The following DCTN4 variants were observed in gnomAD, a reference collection of about 807,000 sequenced individuals.
The protein encoded by DCTN4 is dynactin subunit 4.
DCTN4 carries 23 observed loss-of-function variants against 62.7 expected under a neutral mutation model. That is an observed-to-expected ratio of 0.37 (90% CI 0.26 to 0.52). The LOEUF (loss-of-function observed/expected upper bound fraction) is 0.52. DCTN4 is among the 20% of genes least tolerant of loss of function. The pLI, the probability that DCTN4 is intolerant of heterozygous loss-of-function variation, is 0.92. For missense variants in DCTN4, 514 were observed against 580.4 expected, an observed-to-expected ratio of 0.89 and a Z score of 1.18; for synonymous variants, 199 against 202.1, an observed-to-expected ratio of 0.98 and a Z score of 0.13.
At chr5:150,719,655 A>G (rs2151473162) in intron 10 of DCTN4, 61 bp downstream of exon 10, 1 of 1,202,472 alleles carries the variant, frequency 8.3e-7, no homozygotes, top group South Asian at 1.3e-5. Flanking sequence ...CCACCCACAT[A>G]CACATGTACA....
At chr5:150,725,356 A>G (rs1038924055) in intron 8 of DCTN4, among the ~76,000 whole-genome samples, 1 of 151,732 alleles carries the variant, frequency 6.6e-6, no homozygotes, top group African/African-American at 2.4e-5. Context: ...TTAATGGTGC[A>G]TTATATAACC....
Position 150,753,607 on chromosome 5 carries a change from C to T in DCTN4, c.257G>A (p.Arg86Gln). 1.2e-6 allele frequency: 2 copies of T among 1,613,798 alleles called. No individual in the cohort carries two copies. The highest frequency in any genetic ancestry group is 1.7e-6 in the Non-Finnish European group (2 of 1,179,902). Residue 86 changes from arginine (R) to glutamine (Q), a missense_variant, in exon 3 of 13, where the codon CGG becomes CAG. Physicochemically the swap from Arg to Gln is conservative, Grantham distance 43. Coordinates refer to ENST00000447998, the MANE Select transcript of DCTN4 (RefSeq NM_016221.4). ...CPGCMHTLST[R>Q]ATSISTQLPD... Reference sequence around the variant, plus strand: ...AAGCTGTGTGGAGATGCTCGTGGCCCGAGTAGAGAGGGTGTGCATGCAGCC... The same window carrying T: ...AAGCTGTGTGGAGATGCTCGTGGCCTGAGTAGAGAGGGTGTGCATGCAGCC...
At chr5:150,746,792 A>G (rs888596008) in intron 3 of DCTN4, among the ~76,000 whole-genome samples, 30 of 152,362 alleles carry the variant, frequency 2.0e-4, no homozygotes, top group Middle Eastern at 3.4e-3. Context: ...CGTATCTCAA[A>G]ATAATAACAG....
chr5:150,744,640 AT>A (rs1421772633), intron 3 of DCTN4, among the ~76,000 whole-genome samples: 1 of 151,820 alleles, frequency 6.6e-6, no homozygotes, highest in Non-Finnish European at 1.5e-5. Flanking sequence ...AATATTCAAC[AT>A]TCTTAAAGAC....
chr5:150,733,579 A>T (rs955100497), intron 4 of DCTN4, 104 bp from the exon 5 acceptor site: 16 of 695,854 alleles, frequency 2.3e-5, no homozygotes, highest in Non-Finnish European at 3.4e-5. Context: ...AAGACAAATT[A>T]TTAAGATGGG....
intron 8 of DCTN4, among the ~76,000 whole-genome samples, chr5:150,728,499 T>G (rs1007954280): frequency 3.3e-5 from 5 of 152,228 alleles, no homozygotes; most frequent in Non-Finnish European, 7.3e-5. Context: ...GAGAGAAGTA[T>G]GTCAAAATTT....
chr5:150,744,595 G>A (rs1760892208), intron 3 of DCTN4, among the ~76,000 whole-genome samples: 1 of 152,072 alleles, frequency 6.6e-6, no homozygotes, highest in South Asian at 2.1e-4. Flanking sequence ...GGATCTCTCA[G>A]CAGAAACTCT....
intron 4 of DCTN4, among the ~76,000 whole-genome samples, chr5:150,737,350 A>G (rs1760619757): frequency 2.0e-5 from 3 of 152,234 alleles, no homozygotes; most frequent in Non-Finnish European, 4.4e-5. Flanking sequence ...TCTCTAAGAT[A>G]GAACATACGA....
At chr5:150,744,648 A>G (rs1181669261) in intron 3 of DCTN4, among the ~76,000 whole-genome samples, 1 of 151,748 alleles carries the variant, frequency 6.6e-6, no homozygotes, top group African/African-American at 2.4e-5. Flanking sequence ...ACATTCTTAA[A>G]GACAAGAATT....
intron 8 of DCTN4, among the ~76,000 whole-genome samples, chr5:150,724,683 T>C (rs895216308): frequency 6.6e-6 from 1 of 152,212 alleles, no homozygotes; most frequent in Non-Finnish European, 1.5e-5. Flanking sequence ...TAATTGCCTA[T>C]TCTTTCCCCA....
At position 150,726,774 on chromosome 5, in the gene DCTN4, A is replaced by C. The variant is rs187340340; in HGVS notation, c.835-3794T>G. 3.3e-3 allele frequency among the ~76,000 whole-genome samples: 499 copies of C among 152,338 alleles called. 2 individuals carry two copies. The highest frequency in any genetic ancestry group is 0.011 in the African/African-American group (453 of 41,570). On this transcript the variant is annotated intron_variant, in intron 8 of 12. Transcript: ENST00000447998. The stretch of plus-strand genomic sequence containing the variant: ...GGCTGGTTATGTTAACTGAAAAAAT[A>C]GTCATTACCCAAGTTTTGCAGCACT...
chr5:150,717,038 C>T (rs1274968451), intron 11 of DCTN4, among the ~76,000 whole-genome samples: 1 of 151,308 alleles, frequency 6.6e-6, no homozygotes, highest in Non-Finnish European at 1.5e-5. Context: ...CAGAAATTCT[C>T]TAATATTATT....
chr5:150,730,850 A>G, intron 7 of DCTN4, 110 bp from the exon 8 acceptor site: 2 of 953,310 alleles, frequency 2.1e-6, no homozygotes, highest in Non-Finnish European at 3.2e-6. Flanking sequence ...AGTGTTGTTC[A>G]TAAAAATGAA....
chr5:150,713,078 G>A (rs1759627575), intron 12 of DCTN4, among the ~76,000 whole-genome samples: 1 of 152,152 alleles, frequency 6.6e-6, no homozygotes, highest in Non-Finnish European at 1.5e-5. Flanking sequence ...GGATTTGAGA[G>A]AACACATTTT....
At chr5:150,725,645 C>T (rs1365253498) in intron 8 of DCTN4, among the ~76,000 whole-genome samples, 1 of 152,038 alleles carries the variant, frequency 6.6e-6, no homozygotes, top group Non-Finnish European at 1.5e-5. Context: ...TATAGCTAAG[C>T]ACAGCCTTAG....
chr5:150,748,411 A>G (rs1752539173), intron 3 of DCTN4, among the ~76,000 whole-genome samples: 1 of 152,172 alleles, frequency 6.6e-6, no homozygotes, highest in Non-Finnish European at 1.5e-5. Context: ...TAGAAATACT[A>G]TTTGACCCAG....
chr5:150,734,410 A>C (rs1291487499), intron 4 of DCTN4: 2 of 152,228 alleles, frequency 1.3e-5, no homozygotes, highest in Non-Finnish European at 2.9e-5. Context: ...TAGTGCTGAA[A>C]CAAAATTTAG....
At chr5:150,751,634 C>G (rs750949581) in intron 3 of DCTN4, among the ~76,000 whole-genome samples, 14 of 152,160 alleles carry the variant, frequency 9.2e-5, no homozygotes, top group Non-Finnish European at 1.9e-4. Context: ...TAAATACTTA[C>G]TGGCAATTTT....
intron 4 of DCTN4, chr5:150,734,308 C>T (rs1050369766): frequency 2.0e-5 from 3 of 152,202 alleles, no homozygotes; most frequent in African/African-American, 7.2e-5. Context: ...TGTGAGTGCC[C>T]ATGTGTAAGA....
Sources: allele counts gnomAD v4.1 joint callset (sites outside exome capture counted in the v4.1 genomes callset), GRCh38; gene constraint gnomAD v4.1.1; transcripts MANE v1.5; gene names NCBI Gene and HGNC (gene_info 2026-07-23, HGNC 2026-07-21).